The following HLCS variants were observed in gnomAD, a reference collection of about 807,000 sequenced individuals.
The protein encoded by HLCS is holocarboxylase synthetase.
In HLCS, 53 loss-of-function variants were observed where a neutral mutation model predicts 75.0. That is an observed-to-expected ratio of 0.71 (90% CI 0.57 to 0.89). The LOEUF (loss-of-function observed/expected upper bound fraction) is 0.89, where lower values mean the gene tolerates loss of function less well. HLCS is among the 40% of genes least tolerant of loss of function. The probability of loss-of-function intolerance (pLI) is 0.00; values close to 1 mark genes in which losing one functional copy is unlikely to be tolerated. For synonymous variants in HLCS, 431 were observed against 428.6 expected (o/e 1.01, Z -0.07); for missense variants, 966 against 1,074.0 (o/e 0.90, Z 1.41).
intron 5 of HLCS, among the ~76,000 whole-genome samples, chr21:36,910,583 T>C (rs1466473277): frequency 6.6e-6 from 1 of 151,468 alleles, no homozygotes; most frequent in Non-Finnish European, 1.5e-5. Context: ...ATAGGACTAT[T>C]TTTTTTTCCT....
At chr21:36,755,208 G>A (rs2089515306) in intron 10 of HLCS, among the ~76,000 whole-genome samples, 1 of 151,920 alleles carries the variant, frequency 6.6e-6, no homozygotes, top group Non-Finnish European at 1.5e-5. Flanking sequence ...ACCAGCCTGG[G>A]CAATATAGTG....
chr21:36,855,091 T>C (rs982129396), intron 6 of HLCS, among the ~76,000 whole-genome samples: 1 of 152,084 alleles, frequency 6.6e-6, no homozygotes, highest in Admixed American at 6.6e-5. Flanking sequence ...TTTTTTTGTA[T>C]AGGTGCATGT....
chr21:36,958,253 A>AAAGAAAGAAAGAAAGAAAG (rs1555969613), intron 2 of HLCS, among the ~76,000 whole-genome samples: 10 of 135,898 alleles, frequency 7.4e-5, no homozygotes, highest in African/African-American at 2.2e-4. Flanking sequence ...AAAAAAAAAA[A>AAAGAAAGAAAGAAAGAAAG]AAAGAAAGAA....
At chr21:36,919,805 G>A (rs1336388197) in intron 5 of HLCS, among the ~76,000 whole-genome samples, 1 of 152,172 alleles carries the variant, frequency 6.6e-6, no homozygotes, top group Non-Finnish European at 1.5e-5. Flanking sequence ...TAACTGTGAA[G>A]ATGTATCTAT....
Position 36,754,236 on chromosome 21 carries a change from ACGC to A in HLCS, c.*7_*9del, listed in dbSNP as rs201681436. 0.012 allele frequency: 18,574 copies of A among 1,613,244 alleles called. 130 individuals are homozygous for A. Among genetic ancestry groups the A allele is most frequent in the Non-Finnish European group, 0.014 (16,233 of 1,179,736 alleles). ...ACGGACAGGCAGCCGCGTCTCGGGGACGCCCGGCATTACCGCCGTTTGGGGAGG... is the reference window on the plus strand; with the variant it reads ...ACGGACAGGCAGCCGCGTCTCGGGGACCGGCATTACCGCCGTTTGGGGAGG... On this transcript the variant is annotated 3_prime_UTR_variant, in exon 11 of 11. Coordinates refer to ENST00000674895, the MANE Select transcript of HLCS (RefSeq NM_001352514.2).
chr21:36,946,812 A>G (rs1354118237), intron 2 of HLCS, among the ~76,000 whole-genome samples: 1 of 152,164 alleles, frequency 6.6e-6, no homozygotes. Flanking sequence ...TCGCAGACAC[A>G]CAGCCAAGGG....
chr21:36,923,044 G>A (rs918748708), intron 5 of HLCS, among the ~76,000 whole-genome samples: 4 of 152,140 alleles, frequency 2.6e-5, no homozygotes, highest in Non-Finnish European at 4.4e-5. Context: ...ATCGCCGGGC[G>A]CCCCACCGCC....
chr21:36,925,449 G>C (rs1423748440), intron 5 of HLCS, among the ~76,000 whole-genome samples: 3 of 152,194 alleles, frequency 2.0e-5, no homozygotes, highest in African/African-American at 4.8e-5. Flanking sequence ...GATGTCCCAG[G>C]CTACGGGAGC....
chr21:36,961,511 C>G (rs2068288895), intron 2 of HLCS, among the ~76,000 whole-genome samples: 1 of 152,012 alleles, frequency 6.6e-6, no homozygotes, highest in Non-Finnish European at 1.5e-5. Flanking sequence ...CAATAAGACC[C>G]TGTCTGAAAA....
rs528442922 is a variant in HLCS at position 36,802,681 on chromosome 21, G to T, written c.1893-35396C>A. ...AGCCCTTTCCACTTTTCTTTGCGTC[G>T]TACTGAACTTCAAGAAGAACAGAGA... On this transcript the variant is annotated intron_variant, in intron 6 of 10. Transcript: ENST00000674895. Among the ~76,000 whole-genome samples, 6 of 152,084 alleles carry T rather than the reference G, an allele frequency of 3.9e-5. No individual in the cohort carries two copies. In the East Asian group the frequency reaches 9.6e-4, roughly 24 times the overall value.
At chr21:36,989,382 G>A (rs1213517140) in intron 1 of HLCS, among the ~76,000 whole-genome samples, 1 of 146,934 alleles carries the variant, frequency 6.8e-6, no homozygotes, top group Non-Finnish European at 1.5e-5. Context: ...GGAGTGCAGC[G>A]GTGCAATCTC....
At chr21:36,942,455 C>CATG in intron 2 of HLCS, among the ~76,000 whole-genome samples, 1 of 146,012 alleles carries the variant, frequency 6.8e-6, no homozygotes. Context: ...TTCCTCACAT[C>CATG]ATGCAAACCA....
chr21:36,986,271 C>T (rs962835464), intron 1 of HLCS, among the ~76,000 whole-genome samples: 2 of 152,178 alleles, frequency 1.3e-5, no homozygotes, highest in African/African-American at 4.8e-5. Flanking sequence ...TTCCCAGCCT[C>T]CAGAACCATA....
chr21:36,903,946 A>G (rs1281454732), intron 5 of HLCS, among the ~76,000 whole-genome samples: 1 of 152,154 alleles, frequency 6.6e-6, no homozygotes, highest in Non-Finnish European at 1.5e-5. Flanking sequence ...AAGAAGAGAA[A>G]GAAAGACCTA....
intron 2 of HLCS, among the ~76,000 whole-genome samples, chr21:36,944,350 G>A (rs1238099809): frequency 1.3e-5 from 2 of 152,050 alleles, no homozygotes; most frequent in African/African-American, 2.4e-5. Context: ...AAAAAGATTC[G>A]TGGCCCAAGT....
chr21:36,867,728 T>C (rs1323071188), intron 6 of HLCS, among the ~76,000 whole-genome samples: 1 of 152,222 alleles, frequency 6.6e-6, no homozygotes, highest in African/African-American at 2.4e-5. Context: ...CTACATACAC[T>C]ACTTATTATG....
At chr21:36,941,955 C>T (rs113520861) in intron 2 of HLCS, among the ~76,000 whole-genome samples, 3,856 of 151,948 alleles carry the variant, frequency 0.025, 154 homozygotes, top group African/African-American at 0.088. Flanking sequence ...TGCAGTGAGC[C>T]GAGATCGCAC....
intron 6 of HLCS, among the ~76,000 whole-genome samples, chr21:36,838,328 A>ACACACC (rs1555907756): frequency 8.8e-5 from 13 of 147,688 alleles, no homozygotes; most frequent in African/African-American, 2.8e-4. Flanking sequence ...ACACACACAC[A>ACACACC]CCCCCACAAC....
In HLCS at chr21:36,902,803, G is replaced by C. The variant is rs186020345; in HGVS notation, c.1621-5672C>G. Among the ~76,000 whole-genome samples, 5 of 152,310 alleles carry C rather than the reference G, an allele frequency of 3.3e-5. No homozygotes were observed. The East Asian group carries it at 9.7e-4, about 29-fold the overall frequency. ...CATTTGAGCACCACGGAAGGTCAGC[G>C]ACTCTGAACTGAGAGTGAGAAGTCC... On this transcript the variant is annotated intron_variant, in intron 5 of 10. Transcript: ENST00000674895.
Sources: gnomAD v4.1 joint callset for allele counts (sites outside exome capture counted in the v4.1 genomes callset) on GRCh38, gnomAD v4.1.1 for gene constraint, MANE v1.5 for transcripts, NCBI Gene and HGNC (gene_info 2026-07-23, HGNC 2026-07-21) for gene names.